The following ATM variants were observed in gnomAD, a reference collection of about 807,000 sequenced individuals.
ATM encodes the protein serine-protein kinase ATM.
Under a neutral mutation model 387.0 loss-of-function variants are expected in ATM, and 308 were observed. That is an observed-to-expected ratio of 0.80 (90% CI 0.73 to 0.87). ATM has a LOEUF of 0.87. Ranked by LOEUF, ATM falls within the 40% of genes least tolerant of loss-of-function variation. The pLI is 0.00. For missense variants in ATM, 3,312 were observed against 3,560.9 expected (o/e 0.93, Z 1.78); for synonymous variants, 1,156 against 1,187.3 (o/e 0.97, Z 0.54).
At chr11:108,263,143 C>CCCT (rs1382004865) in intron 16 of ATM, among the ~76,000 whole-genome samples, 7 of 149,056 alleles carry the variant, frequency 4.7e-5, no homozygotes. Context: ...ACCTAATAGA[C>CCCT]ATCTACAGAA....
rs1366505478 is a variant in ATM at position 108,349,914 on chromosome 11, G to A, written c.8671+2549G>A. On this transcript the variant is annotated intron_variant, in intron 59 of 62. Coordinates refer to ENST00000675843, the MANE Select transcript of ATM (RefSeq NM_000051.4). Reference sequence around the variant, plus strand: ...GCATGTTAGCTTTTCTGCTGAGAGAGAAGGAAAAGTGATGCCAATAGGAAA... The same window carrying A: ...GCATGTTAGCTTTTCTGCTGAGAGAAAAGGAAAAGTGATGCCAATAGGAAA... Among the ~76,000 whole-genome samples, 4 of 152,180 alleles carry A rather than the reference G, an allele frequency of 2.6e-5. No individual in the cohort carries two copies. In the East Asian group the frequency reaches 5.8e-4, roughly 22 times the overall value.
chr11:108,287,478 T>C (rs1192131226), intron 26 of ATM, 122 bp from the exon 27 acceptor site: 2 of 603,404 alleles, frequency 3.3e-6, no homozygotes, highest in Admixed American at 6.0e-5. Flanking sequence ...GGACTTTGAG[T>C]CATCTATTTT....
At chr11:108,278,952 T>G (rs190072475) in intron 22 of ATM, among the ~76,000 whole-genome samples, 1 of 152,266 alleles carries the variant, frequency 6.6e-6, no homozygotes, top group Admixed American at 6.5e-5. Context: ...ACATAAACAA[T>G]TATAAAAGCT....
chr11:108,265,349 C>G (rs1004917431), intron 16 of ATM, among the ~76,000 whole-genome samples: 10 of 152,150 alleles, frequency 6.6e-5, no homozygotes, highest in African/African-American at 2.2e-4. Flanking sequence ...ACTATCTGCT[C>G]TTTGACAAAC....
chr11:108,356,433 G>C (rs2089929581), intron 61 of ATM, among the ~76,000 whole-genome samples: 1 of 151,852 alleles, frequency 6.6e-6, no homozygotes, highest in African/African-American at 2.4e-5. Flanking sequence ...CTACTCAGGA[G>C]GCTGAGGCAG....
chr11:108,341,639 G>A lies in ATM; in HGVS notation c.8269-1583G>A, dbSNP rs546543847. On this transcript the variant is annotated intron_variant, in intron 56 of 62. Coordinates refer to ENST00000675843, the MANE Select transcript of ATM (RefSeq NM_000051.4). Reference sequence around the variant, plus strand: ...ATAGAACTAAAGACACCATAAGGACGAGTGACCAGCTGAGAAAACGAATAT... The same window carrying A: ...ATAGAACTAAAGACACCATAAGGACAAGTGACCAGCTGAGAAAACGAATAT... Among the ~76,000 whole-genome samples the A allele has an allele frequency of 2.6e-4, 40 of 152,216 alleles. 1 individual carries two copies. The South Asian group carries it at 7.3e-3, about 28-fold the overall frequency.
chr11:108,366,715 A>G lies in ATM; in HGVS notation c.*1207A>G, dbSNP rs2091351176. The G allele has an allele frequency of 4.3e-6, 1 of 231,148 alleles. No individual in the cohort carries two copies. Among genetic ancestry groups the G allele is most frequent in the African/African-American group, 2.2e-5 (1 of 45,242 alleles). The allele number at this position is 231,148 out of a possible 1,614,324, so 14.3% of individuals were successfully genotyped here. On this transcript the variant is annotated 3_prime_UTR_variant, in exon 63 of 63. Coordinates refer to ENST00000675843, the MANE Select transcript of ATM (RefSeq NM_000051.4). Reference sequence around the variant, plus strand: ...TACTGATAGGAGATTTCCCAGGCCAAGGCAAACACACTTCCTCCTCATCTC... The same window carrying G: ...TACTGATAGGAGATTTCCCAGGCCAGGGCAAACACACTTCCTCCTCATCTC...
chr11:108,262,758 A>G (rs1358821914), intron 16 of ATM, among the ~76,000 whole-genome samples: 1 of 149,696 alleles, frequency 6.7e-6, no homozygotes, highest in Non-Finnish European at 1.5e-5. Context: ...GCAGAGACAC[A>G]CATAGGCTCA....
chr11:108,343,127 A>G (rs1480121728), intron 56 of ATM, 95 bp from the exon 57 acceptor site: 7 of 1,515,046 alleles, frequency 4.6e-6, no homozygotes, highest in Non-Finnish European at 5.5e-6. Flanking sequence ...ACAACTTGAA[A>G]AAAAATGCTT....
rs773495195 is a variant in ATM at position 108,235,710 on chromosome 11, C to A, written c.372C>A (p.Ile124=). 118 of 1,611,870 alleles carry A rather than the reference C, an allele frequency of 7.3e-5. No individual in the cohort carries two copies. The highest frequency in any genetic ancestry group is 1.0e-4 in the Admixed American group (6 of 59,968). ...RLKCQELLNY[I]MDTVKDSSNG... ...AATGTCAAGAACTCTTAAATTATAT[C>A]ATGGATACAGTGAAAGATTCATCTA... The change falls in exon 5 of 63, where the codon ATC becomes ATA. Residue 124 remains isoleucine, a synonymous_variant. Coordinates refer to ENST00000675843, the MANE Select transcript of ATM (RefSeq NM_000051.4).
rs201793499 is a variant in ATM, at chr11:108,258,995, A to C, written c.2386A>C (p.Asn796His). ...CLSNCTKKSP[N>H]KIASGFFLRL... The stretch of plus-strand genomic sequence containing the variant: ...TTTGTCTTAATTGCAGAAGAGTCCA[A>C]ATAAGATTGCATCTGGCTTTTTCCT... The change falls in exon 16 of 63, where the codon AAT becomes CAT. Residue 796 changes from asparagine (N) to histidine (H), a missense_variant. This residue lies in a region of ATM where 1,791 missense variants were observed against 1,804.5 expected (regional missense o/e 0.99). Transcript: ENST00000675843. 11 of 1,613,608 alleles carry C rather than the reference A, an allele frequency of 6.8e-6. No individual in the cohort carries two copies. The highest frequency in any genetic ancestry group is 8.5e-6 in the Non-Finnish European group (10 of 1,179,678).
chr11:108,302,950 T>C lies in ATM; in HGVS notation c.5417T>C (p.Ile1806Thr), dbSNP rs773546064. 17 of 1,613,410 alleles carry C rather than the reference T, an allele frequency of 1.1e-5. No individual in the cohort carries two copies. The highest frequency in any genetic ancestry group is 1.3e-5 in the Non-Finnish European group (15 of 1,179,532). ...IPLSENHDIW[I>T]KTLTCAFLDS... ...CTAAGTGAAAATCATGACATTTGGATAAAGACACTGACTTGTGCTTTTTTG... is the reference window on the plus strand; with the variant it reads ...CTAAGTGAAAATCATGACATTTGGACAAAGACACTGACTTGTGCTTTTTTG... The change falls in exon 36 of 63, where the codon ATA becomes ACA. Residue 1806 changes from isoleucine (I) to threonine (T), a missense_variant. By Grantham distance (89) the Ile-to-Thr change is moderately conservative. Around this residue, in one of 4 missense-constraint regions of ATM, gnomAD observed 1,405 missense variants for 1,604.4 expected, o/e 0.88. Transcript: ENST00000675843.
At chr11:108,270,784 C>T (rs778742412) in intron 18 of ATM, among the ~76,000 whole-genome samples, 35 of 152,232 alleles carry the variant, frequency 2.3e-4, no homozygotes, top group Admixed American at 6.5e-4. Context: ...CAACCTTCGC[C>T]TCCCAGGTTC....
At chr11:108,229,434 A>G (rs2135043397) in intron 4 of ATM, 111 bp downstream of exon 4, 4 of 1,098,608 alleles carry the variant, frequency 3.6e-6, no homozygotes, top group Non-Finnish European at 5.2e-6. Context: ...AGTTTGTTCT[A>G]AATAGAATAA....
At position 108,332,766 on chromosome 11, in the gene ATM, G is replaced by A. The variant is rs140263969; in HGVS notation, c.7793G>A (p.Arg2598Gln). The part of the protein sequence containing the change: ...PKQSSQLDED[R>Q]TEAANRIICT... ...TTTTTTGTTTTTTATTAATAGGATC[G>A]AACAGAGGCTGCAAATAGAATAATA... Residue 2598 changes from arginine to glutamine, a missense_variant, in exon 53 of 63, where the codon CGA becomes CAA. Physicochemically the swap from Arg to Gln is conservative, Grantham distance 43. Around this residue, in one of 4 missense-constraint regions of ATM, gnomAD observed 1,405 missense variants for 1,604.4 expected, o/e 0.88. Coordinates refer to ENST00000675843, the MANE Select transcript of ATM (RefSeq NM_000051.4). The A allele has an allele frequency of 1.2e-5, 20 of 1,612,250 alleles. No homozygotes were observed. Among genetic ancestry groups the A allele is most frequent in the African/African-American group, 5.3e-5 (4 of 74,840 alleles).
Position 108,250,838 on chromosome 11 carries a change from G to A in ATM, c.1373G>A (p.Cys458Tyr), listed in dbSNP as rs1064796013. 2 of 1,614,134 alleles carry A rather than the reference G, an allele frequency of 1.2e-6. No individual in the cohort carries two copies. ...GAACGTACACCATATGTGTTACGAT[G>A]CCTTACGGAAGTTGCATTGTGTCAA... ...HGERTPYVLR[C>Y]LTEVALCQDK... Residue 458 changes from cysteine (C) to tyrosine (Y), a missense_variant, in exon 10 of 63, where the codon TGC (cysteine) becomes TAC (tyrosine). Physicochemically the swap from Cys to Tyr is radical, Grantham distance 194 (BLOSUM62 -2). Transcript: ENST00000675843.
chr11:108,295,208 C>G, intron 32 of ATM, 149 bp downstream of exon 32: 1 of 941,956 alleles, frequency 1.1e-6, no homozygotes, highest in Non-Finnish European at 1.7e-6. Context: ...AACTGTAAAA[C>G]TGGTCCTAAC....
chr11:108,301,115 G>C (rs982543008), intron 34 of ATM, among the ~76,000 whole-genome samples: 4 of 152,018 alleles, frequency 2.6e-5, no homozygotes, highest in African/African-American at 9.7e-5. Context: ...CACAGTTTTT[G>C]AAGAGAGTGC....
intron 62 of ATM, 24 bp downstream of exon 62, chr11:108,365,242 C>T (rs1443290056): frequency 6.2e-7 from 1 of 1,614,156 alleles, no homozygotes; most frequent in Non-Finnish European, 8.5e-7. Context: ...TAAGAAGGTC[C>T]TGTTGTCAGT....
Sources: allele counts gnomAD v4.1 joint callset (sites outside exome capture counted in the v4.1 genomes callset), GRCh38; gene constraint gnomAD v4.1.1; regional missense constraint gnomAD v4.1.1; transcripts MANE v1.5; gene names NCBI Gene and HGNC (gene_info 2026-07-23, HGNC 2026-07-21).